Variants in LINC00305 observed in about 807,000 individuals in gnomAD.
LINC00305 encodes the protein long intergenic non-protein coding RNA 305.
chr18:64,134,656 TA>T (rs1286249456), intron 1 of LINC00305, among the ~76,000 whole-genome samples: 1 of 152,150 alleles, frequency 6.6e-6, no homozygotes, highest in Admixed American at 6.5e-5. Flanking sequence ...TGTTATAAAA[TA>T]GGGGGGTCCA....
intron 1 of LINC00305, among the ~76,000 whole-genome samples, chr18:64,141,545 C>T (rs1396217653): frequency 1.3e-5 from 2 of 152,160 alleles, no homozygotes; most frequent in African/African-American, 2.4e-5. Context: ...CCATCATTCG[C>T]AGGCCCAGTG....
At chr18:64,089,305 A>G (rs2051216153) in intron 3 of LINC00305, among the ~76,000 whole-genome samples, 1 of 152,172 alleles carries the variant, frequency 6.6e-6, no homozygotes, top group Non-Finnish European at 1.5e-5. Context: ...CCTTGTGAAG[A>G]AGGTGCTTGC....
intron 3 of LINC00305, among the ~76,000 whole-genome samples, chr18:64,091,606 T>C (rs1290055326): frequency 6.6e-6 from 1 of 152,198 alleles, no homozygotes; most frequent in Non-Finnish European, 1.5e-5. Context: ...AGAGGTCAAG[T>C]CATGTTCAAG....
chr18:64,120,837 C>T (rs538554022), intron 1 of LINC00305, among the ~76,000 whole-genome samples: 2 of 152,204 alleles, frequency 1.3e-5, no homozygotes, highest in African/African-American at 4.8e-5. Flanking sequence ...ATATCATCAA[C>T]ACACTTAAAT....
At chr18:64,103,007 C>T (rs974346960) in intron 1 of LINC00305, among the ~76,000 whole-genome samples, 1 of 152,146 alleles carries the variant, frequency 6.6e-6, no homozygotes, top group Non-Finnish European at 1.5e-5. Flanking sequence ...GCAGGCAGGA[C>T]GAGCATGCTC....
At chr18:64,108,197 C>T (rs1012701793) in intron 1 of LINC00305, among the ~76,000 whole-genome samples, 1 of 152,166 alleles carries the variant, frequency 6.6e-6, no homozygotes, top group Non-Finnish European at 1.5e-5. Flanking sequence ...AAGCAACATA[C>T]CCTCTTTGTT....
intron 3 of LINC00305, among the ~76,000 whole-genome samples, chr18:64,091,884 A>G (rs905939082): frequency 6.6e-6 from 1 of 152,198 alleles, no homozygotes; most frequent in Non-Finnish European, 1.5e-5. Flanking sequence ...AGCTTGCATA[A>G]TCTGTGCTAT....
intron 3 of LINC00305, among the ~76,000 whole-genome samples, chr18:64,091,625 C>T (rs1434228166): frequency 3.9e-5 from 6 of 152,264 alleles, no homozygotes; most frequent in Middle Eastern, 3.4e-3. Context: ...AGGCCACTCA[C>T]CTGGAAAGTG....
chr18:64,133,156 T>C (rs980986004), intron 1 of LINC00305, among the ~76,000 whole-genome samples: 2 of 152,102 alleles, frequency 1.3e-5, no homozygotes, highest in African/African-American at 2.4e-5. Flanking sequence ...TTGGCACTGG[T>C]TGCATAGGAG....
In LINC00305 at chr18:64,148,233, G is replaced by GTC. The variant is rs377405903; in HGVS notation, n.314+540_314+541dup. 4.7e-4 allele frequency among the ~76,000 whole-genome samples: 71 copies of GTC among 150,362 alleles called. No individual in the cohort carries two copies. The East Asian group carries it at 0.012, about 26-fold the overall frequency. ...AGAGGAGTGTAAAGTCTAACCTCAT[G>GTC]TCTCTCTCTCTCTCTCTTTCAAGCC... On this transcript the variant is annotated intron_variant and non_coding_transcript_variant, in intron 1 of 3. Coordinates refer to ENST00000666468, the Ensembl canonical transcript of LINC00305.
intron 1 of LINC00305, among the ~76,000 whole-genome samples, chr18:64,110,769 A>G (rs1020960201): frequency 6.6e-6 from 1 of 152,214 alleles, no homozygotes; most frequent in Non-Finnish European, 1.5e-5. Flanking sequence ...ACAACAAAAG[A>G]GCCTTTGCTT....
At chr18:64,132,757 A>G (rs1000593320) in intron 1 of LINC00305, among the ~76,000 whole-genome samples, 3 of 152,138 alleles carry the variant, frequency 2.0e-5, no homozygotes, top group African/African-American at 7.2e-5. Flanking sequence ...CTTGGTTCCT[A>G]CCAGAGGACA....
At chr18:64,148,786 C>T (rs2051510938) in exon 1 of LINC00305, 1 of 151,984 alleles carries the variant, frequency 6.6e-6, no homozygotes, top group South Asian at 2.1e-4. Context: ...TTGTGAAGGG[C>T]AGTCTGGTTC....
chr18:64,143,576 G>GTACACATATTATGTGTACATA (rs2051477122), intron 1 of LINC00305, among the ~76,000 whole-genome samples: 1 of 17,412 alleles, frequency 5.7e-5, no homozygotes, highest in Admixed American at 6.0e-4. Flanking sequence ...ATACACATAT[G>GTACACATATTATGTGTACATA]TATATGTACA....
intron 1 of LINC00305, among the ~76,000 whole-genome samples, chr18:64,117,596 G>T (rs2051343391): frequency 6.6e-6 from 1 of 152,126 alleles, no homozygotes; most frequent in African/African-American, 2.4e-5. Flanking sequence ...GAGTGTCTTG[G>T]ACCCAGAGAA....
At chr18:64,106,589 C>G (rs967069078) in intron 1 of LINC00305, among the ~76,000 whole-genome samples, 2 of 152,104 alleles carry the variant, frequency 1.3e-5, no homozygotes, top group African/African-American at 4.8e-5. Context: ...TCTGCTGCCT[C>G]AATATATAAA....
intron 1 of LINC00305, among the ~76,000 whole-genome samples, chr18:64,129,701 T>C (rs570487989): frequency 2.6e-5 from 4 of 152,284 alleles, no homozygotes; most frequent in African/African-American, 9.6e-5. Context: ...ATATCCATTA[T>C]AATATTATTC....
chr18:64,112,036 T>C (rs531014981), intron 1 of LINC00305, among the ~76,000 whole-genome samples: 2 of 152,010 alleles, frequency 1.3e-5, no homozygotes, highest in South Asian at 4.2e-4. Flanking sequence ...CTTTTAACAG[T>C]TGGTTGTTTA....
chr18:64,121,265 G>T lies in LINC00305; in HGVS notation n.315-22625C>A, dbSNP rs374909153. Among the ~76,000 whole-genome samples the T allele has an allele frequency of 1.2e-4, 18 of 152,050 alleles. No homozygotes were observed. In the East Asian group the frequency reaches 2.7e-3, roughly 23 times the overall value. On this transcript the variant is annotated intron_variant and non_coding_transcript_variant, in intron 1 of 3. Coordinates refer to ENST00000666468, the Ensembl canonical transcript of LINC00305. ...TGTTACATGCATAGCTTGGGTGGTG[G>T]TGAAGTCAGGGCTTTTAGAGTATCC...
Sources: allele counts gnomAD v4.1 joint callset (sites outside exome capture counted in the v4.1 genomes callset), GRCh38; gene constraint gnomAD v4.1.1; transcripts MANE v1.5; gene names NCBI Gene and HGNC (gene_info 2026-07-23, HGNC 2026-07-21).